Variants in MINDY2 observed in about 807,000 individuals in gnomAD.
MINDY2 encodes ubiquitin carboxyl-terminal hydrolase MINDY-2.
A neutral mutation model predicts 68.2 loss-of-function variants in MINDY2; 52 were observed. That is an observed-to-expected ratio of 0.76 (90% CI 0.61 to 0.96). MINDY2 has a LOEUF of 0.96. MINDY2 is among the 40% of genes least tolerant of loss of function. The pLI is 0.00. For missense variants in MINDY2, 881 were observed against 773.4 expected (o/e 1.14, Z -1.65); for synonymous variants, 372 against 303.0 (o/e 1.23, Z -2.36).
In MINDY2 at chr15:58,854,501, CCT is replaced by C. The variant is rs2032987280; in HGVS notation, c.1761_1762del (p.Pro588IlefsTer9). On this transcript the variant is annotated frameshift_variant, in exon 9 of 9. Transcript: ENST00000559228. LOFTEE classifies it high-confidence loss of function. ...TTAAAGCAGGGCCAGCCAGCACAAG[CCT>C]CTCCATCAAGTGGAAGACAATCTGG... 6.2e-7 allele frequency: 1 copy of C among 1,613,428 alleles called. No individual in the cohort carries two copies. The highest frequency in any genetic ancestry group is 1.7e-5 in the Admixed American group (1 of 59,940).
chr15:58,796,128 CTT>C (rs1383585468), intron 2 of MINDY2: 1 of 455,870 alleles, frequency 2.2e-6, no homozygotes, highest in South Asian at 1.5e-5. Context: ...GGGCAGAAAA[CTT>C]TTGAGAAGTT....
intron 3 of MINDY2, among the ~76,000 whole-genome samples, chr15:58,807,610 G>T (rs1257106593): frequency 5.9e-5 from 9 of 152,028 alleles, no homozygotes; most frequent in South Asian, 2.1e-4. Flanking sequence ...TGATCCGCCC[G>T]CCTCGGCCTC....
At position 58,795,125 on chromosome 15, in the gene MINDY2, G is replaced by A. The variant is rs1398464154; in HGVS notation, c.898+7162G>A. ...TGGGAGGCGGAGCTTGCAGTGTACCGAGATCGCGCTACTGCACTCCAGCCT... is the reference window on the plus strand; with the variant it reads ...TGGGAGGCGGAGCTTGCAGTGTACCAAGATCGCGCTACTGCACTCCAGCCT... On this transcript the variant is annotated intron_variant, in intron 2 of 8. Coordinates refer to ENST00000559228, the MANE Select transcript of MINDY2 (RefSeq NM_001040450.3). Among the ~76,000 whole-genome samples the A allele has an allele frequency of 1.3e-5, 2 of 151,968 alleles. 1 individual carries two copies. The highest frequency in any genetic ancestry group is 4.2e-4 in the South Asian group (2 of 4,806).
chr15:58,849,269 A>G (rs793572), intron 7 of MINDY2, among the ~76,000 whole-genome samples: 147,252 of 152,036 alleles, frequency 0.97, 71,443 homozygotes, highest in East Asian at 1. Flanking sequence ...TTGGGAGGCC[A>G]AGGCGGGCCG....
intron 1 of MINDY2, among the ~76,000 whole-genome samples, chr15:58,777,234 G>C (rs1367143039): frequency 6.6e-6 from 1 of 152,106 alleles, no homozygotes; most frequent in Admixed American, 6.6e-5. Flanking sequence ...TCAAGACTTG[G>C]GCTTTTCTTT....
At chr15:58,813,706 G>T (rs1327763602) in intron 4 of MINDY2, among the ~76,000 whole-genome samples, 2 of 151,448 alleles carry the variant, frequency 1.3e-5, no homozygotes, top group Non-Finnish European at 2.9e-5. Context: ...CCAAGTAGCT[G>T]GGACTACAGG....
At chr15:58,823,544 A>C (rs2031204445) in intron 5 of MINDY2, among the ~76,000 whole-genome samples, 1 of 152,056 alleles carries the variant, frequency 6.6e-6, no homozygotes, top group Admixed American at 6.6e-5. Context: ...AGGCACCTCT[A>C]GCTCCACGTA....
At chr15:58,825,270 T>G (rs1255765948) in intron 5 of MINDY2, among the ~76,000 whole-genome samples, 1 of 152,226 alleles carries the variant, frequency 6.6e-6, no homozygotes, top group East Asian at 1.9e-4. Flanking sequence ...TCAACTTCTT[T>G]TAGATAACAT....
Position 58,857,475 on chromosome 15 carries a change from A to G in MINDY2, c.*2865A>G, listed in dbSNP as rs1375436732. 1.4e-5 allele frequency: 2 copies of G among 142,208 alleles called. No individual in the cohort carries two copies. The highest frequency in any genetic ancestry group is 2.6e-5 in the African/African-American group (1 of 38,834). 8.8% of individuals were successfully genotyped at this position (142,208 alleles called of 1,614,324 possible). On this transcript the variant is annotated 3_prime_UTR_variant, in exon 9 of 9. Transcript: ENST00000559228. ...CTTGAACCCAGGAGGCAGTGATTGC[A>G]GTGAGCTGAGATAGCACCACTGCAT...
intron 6 of MINDY2, among the ~76,000 whole-genome samples, chr15:58,837,399 C>G (rs2032044661): frequency 6.6e-6 from 1 of 151,868 alleles, no homozygotes; most frequent in African/African-American, 2.4e-5. Context: ...ATAGGAAGAC[C>G]CCATCTCAAC....
At chr15:58,823,207 A>G (rs902586171) in intron 5 of MINDY2, among the ~76,000 whole-genome samples, 2 of 145,440 alleles carry the variant, frequency 1.4e-5, no homozygotes, top group East Asian at 4.0e-4. Context: ...GCGCGATCTC[A>G]GCTCACTGCA....
chr15:58,772,421 G>T (rs1383058384), intron 1 of MINDY2, among the ~76,000 whole-genome samples, 186 bp downstream of exon 1: 4 of 152,172 alleles, frequency 2.6e-5, no homozygotes, highest in East Asian at 1.9e-4. Flanking sequence ...GAAAAGAATT[G>T]CCCCTAACCT....
chr15:58,844,047 A>G (rs1254352049), intron 6 of MINDY2, among the ~76,000 whole-genome samples: 1 of 152,112 alleles, frequency 6.6e-6, no homozygotes, highest in Non-Finnish European at 1.5e-5. Context: ...GTATTTTAAA[A>G]ACTGATGAAA....
chr15:58,812,422 G>T (rs2030347229), intron 4 of MINDY2, among the ~76,000 whole-genome samples: 1 of 147,492 alleles, frequency 6.8e-6, no homozygotes, highest in South Asian at 2.1e-4. Flanking sequence ...GGCCAACAGA[G>T]CAACGGTCCG....
intron 1 of MINDY2, among the ~76,000 whole-genome samples, chr15:58,777,431 T>G (rs537825026): frequency 6.6e-6 from 1 of 152,154 alleles, no homozygotes; most frequent in East Asian, 1.9e-4. Flanking sequence ...AGGACTGAGT[T>G]GAAAGTATTG....
intron 1 of MINDY2, among the ~76,000 whole-genome samples, chr15:58,779,564 A>G (rs1208468633): frequency 6.6e-6 from 1 of 152,230 alleles, no homozygotes; most frequent in Non-Finnish European, 1.5e-5. Context: ...ATAAAAAAGG[A>G]AAAACAGATG....
chr15:58,775,859 ATTT>A (rs544164455), intron 1 of MINDY2, among the ~76,000 whole-genome samples: 52 of 139,566 alleles, frequency 3.7e-4, no homozygotes, highest in Admixed American at 5.7e-4. Context: ...AAGAGGCTAA[ATTT>A]TTTTTTTTTT....
chr15:58,771,716 G>A lies in MINDY2; in HGVS notation c.321G>A (p.Lys107=), dbSNP rs1301568730. 6.2e-7 allele frequency: 1 copy of A among 1,612,142 alleles called. No individual in the cohort carries two copies. The highest frequency in any genetic ancestry group is 8.5e-7 in the Non-Finnish European group (1 of 1,179,750). ...AGGCGCCTCTGAGAGGGCAGTACAA[G>A]GTGACCGCCTCCCCGGAGACAGCCG... ...AAEAPLRGQY[K]VTASPETAVA... The change falls in exon 1 of 9, where the codon AAG becomes AAA. Residue 107 remains lysine (K), a synonymous_variant. Coordinates refer to ENST00000559228, the MANE Select transcript of MINDY2 (RefSeq NM_001040450.3).
At chr15:58,854,085 A>G (rs1349779478) in intron 8 of MINDY2, among the ~76,000 whole-genome samples, 3 of 152,018 alleles carry the variant, frequency 2.0e-5, no homozygotes. Context: ...TCTACTAAAA[A>G]TACAAAAAGT....
Sources: allele counts gnomAD v4.1 joint callset (sites outside exome capture counted in the v4.1 genomes callset), GRCh38; gene constraint gnomAD v4.1.1; transcripts MANE v1.5; gene names NCBI Gene and HGNC (gene_info 2026-07-23, HGNC 2026-07-21).